ITGBL1: variants seen among roughly 807,000 people sequenced by gnomAD.
The protein encoded by ITGBL1 is integrin subunit beta like 1.
A neutral mutation model predicts 68.5 loss-of-function variants in ITGBL1; 51 were observed. That is an observed-to-expected ratio of 0.74 (90% confidence interval 0.59 to 0.94). The LOEUF (loss-of-function observed/expected upper bound fraction) is 0.94, where lower values mean the gene tolerates loss of function less well. Ranked by LOEUF, ITGBL1 falls within the 40% of genes least tolerant of loss-of-function variation. The pLI, the probability that ITGBL1 is intolerant of heterozygous loss-of-function variation, is 0.00. For synonymous variants in ITGBL1, 209 were observed against 227.3 expected, an observed-to-expected ratio of 0.92 and a Z score of 0.72; for missense variants, 649 against 647.4, an observed-to-expected ratio of 1.00 and a Z score of -0.03.
Position 101,493,515 on chromosome 13 carries a change from T to C in ITGBL1, c.316+39415T>C, listed in dbSNP as rs533585943. Among the ~76,000 whole-genome samples the C allele has an allele frequency of 3.3e-5, 5 of 152,254 alleles. No individual in the cohort carries two copies. In the East Asian group the frequency reaches 5.8e-4, roughly 18 times the overall value. ...TGATTCTGATCTATGGGGGGAGTGA[T>C]AACATCAGCATCAAGATTTTCTTTG... On this transcript the variant is annotated intron_variant, in intron 2 of 10. Transcript: ENST00000376180.
chr13:101,591,718 A>G (rs1594910950), intron 6 of ITGBL1, among the ~76,000 whole-genome samples: 1 of 152,330 alleles, frequency 6.6e-6, no homozygotes, highest in East Asian at 1.9e-4. Flanking sequence ...ATCAGATGCT[A>G]AAGACAGCAT....
At chr13:101,510,808 T>A (rs998079346) in intron 2 of ITGBL1, among the ~76,000 whole-genome samples, 2 of 152,174 alleles carry the variant, frequency 1.3e-5, no homozygotes, top group East Asian at 3.8e-4. Context: ...GAGAAGTGTC[T>A]GTTCATGTCT....
At chr13:101,707,334 G>T (rs1244439142) in intron 9 of ITGBL1, among the ~76,000 whole-genome samples, 1 of 152,158 alleles carries the variant, frequency 6.6e-6, no homozygotes, top group East Asian at 1.9e-4. Flanking sequence ...AACTTCTGGG[G>T]CTAAATTATT....
At chr13:101,491,216 C>T (rs2048771158) in intron 2 of ITGBL1, among the ~76,000 whole-genome samples, 1 of 152,026 alleles carries the variant, frequency 6.6e-6, no homozygotes, top group South Asian at 2.1e-4. Context: ...CTTTTTTGTC[C>T]TACATTCTCC....
chr13:101,612,914 G>A (rs1032650644), intron 7 of ITGBL1, among the ~76,000 whole-genome samples: 5 of 152,102 alleles, frequency 3.3e-5, no homozygotes, highest in Non-Finnish European at 5.9e-5. Flanking sequence ...TTCCCTCAGC[G>A]TCCGTAGCTT....
intron 7 of ITGBL1, among the ~76,000 whole-genome samples, chr13:101,608,455 TA>T (rs906579947): frequency 2.2e-4 from 34 of 152,120 alleles, no homozygotes; most frequent in African/African-American, 8.2e-4. Flanking sequence ...TATTCATGTT[TA>T]CAGAGAGTTT....
chr13:101,585,724 C>T (rs1308388949), intron 6 of ITGBL1, among the ~76,000 whole-genome samples: 1 of 152,148 alleles, frequency 6.6e-6, no homozygotes, highest in Non-Finnish European at 1.5e-5. Flanking sequence ...GCCACCTCCC[C>T]CGGCGGCAAT....
At chr13:101,473,115 C>T (rs1013636266) in intron 2 of ITGBL1, among the ~76,000 whole-genome samples, 2 of 152,094 alleles carry the variant, frequency 1.3e-5, no homozygotes, top group Non-Finnish European at 2.9e-5. Flanking sequence ...AACTAGAACC[C>T]TCCAATGATC....
intron 2 of ITGBL1, among the ~76,000 whole-genome samples, chr13:101,489,223 A>T (rs139438972): frequency 0.014 from 2,194 of 152,336 alleles, 17 homozygotes; most frequent in Admixed American, 0.022. Flanking sequence ...GTACACAGAT[A>T]GAAGTTTACT....
chr13:101,480,019 T>G (rs970846891), intron 2 of ITGBL1, among the ~76,000 whole-genome samples: 8 of 152,148 alleles, frequency 5.3e-5, no homozygotes, highest in African/African-American at 1.7e-4. Flanking sequence ...TGCCCTGTTA[T>G]GTTTATTGCA....
chr13:101,575,582 A>G (rs1003831095), intron 4 of ITGBL1, 36 bp downstream of exon 4: 6 of 1,597,700 alleles, frequency 3.8e-6, no homozygotes, highest in Non-Finnish European at 5.1e-6. Flanking sequence ...TAATAAAAGT[A>G]CCTGTTTTTT....
At chr13:101,512,334 A>G (rs911688558) in intron 2 of ITGBL1, among the ~76,000 whole-genome samples, 3 of 152,090 alleles carry the variant, frequency 2.0e-5, no homozygotes, top group Non-Finnish European at 4.4e-5. Flanking sequence ...CTCACCATCC[A>G]GGAAATTTCT....
At chr13:101,521,677 A>G (rs1040097222) in intron 2 of ITGBL1, among the ~76,000 whole-genome samples, 1 of 152,060 alleles carries the variant, frequency 6.6e-6, no homozygotes, top group Non-Finnish European at 1.5e-5. Context: ...CAGCATGGAG[A>G]AGGCCTTGTT....
At chr13:101,672,324 T>C (rs2033398399) in intron 7 of ITGBL1, among the ~76,000 whole-genome samples, 1 of 152,212 alleles carries the variant, frequency 6.6e-6, no homozygotes, top group African/African-American at 2.4e-5. Flanking sequence ...CTTAGGCAGA[T>C]AGTGAGAATA....
At chr13:101,693,540 A>G (rs966990599) in intron 8 of ITGBL1, among the ~76,000 whole-genome samples, 3 of 151,984 alleles carry the variant, frequency 2.0e-5, no homozygotes, top group Non-Finnish European at 2.9e-5. Flanking sequence ...GAGGGAGAGG[A>G]TCAGGAAAAA....
At chr13:101,708,420 A>C (rs1410303320) in intron 9 of ITGBL1, among the ~76,000 whole-genome samples, 1 of 152,050 alleles carries the variant, frequency 6.6e-6, no homozygotes, top group African/African-American at 2.4e-5. Context: ...ATTTACCCTC[A>C]AAACCTCTGC....
At chr13:101,513,683 A>C (rs1475778134) in intron 2 of ITGBL1, among the ~76,000 whole-genome samples, 1 of 152,128 alleles carries the variant, frequency 6.6e-6, no homozygotes, top group East Asian at 1.9e-4. Flanking sequence ...TAAAGCCTTT[A>C]AAATGGTCAG....
At chr13:101,680,240 T>A (rs868574074) in intron 7 of ITGBL1, among the ~76,000 whole-genome samples, 4 of 152,210 alleles carry the variant, frequency 2.6e-5, no homozygotes, top group East Asian at 3.9e-4. Flanking sequence ...GCAAGGGAAC[T>A]TAGGATGCAT....
At chr13:101,650,016 A>G (rs1012453538) in intron 7 of ITGBL1, among the ~76,000 whole-genome samples, 1 of 152,194 alleles carries the variant, frequency 6.6e-6, no homozygotes, top group East Asian at 1.9e-4. Flanking sequence ...AAGACACCTG[A>G]GAAGGATTTA....
Sources: allele counts gnomAD v4.1 joint callset (sites outside exome capture counted in the v4.1 genomes callset), GRCh38; gene constraint gnomAD v4.1.1; transcripts MANE v1.5; gene names NCBI Gene and HGNC (gene_info 2026-07-23, HGNC 2026-07-21).